Variants in ST6GALNAC5 observed in about 807,000 individuals in gnomAD.
ST6GALNAC5 encodes the protein ST6 N-acetylgalactosaminide alpha-2,6-sialyltransferase 5.
ST6GALNAC5 carries 27 observed loss-of-function variants against 33.6 expected under a neutral mutation model. That is an observed-to-expected ratio of 0.80 (90% CI 0.59 to 1.11). The LOEUF (loss-of-function observed/expected upper bound fraction) is 1.11. Ranked by LOEUF, ST6GALNAC5 falls within the 50% of genes least tolerant of loss-of-function variation. The pLI, the probability that ST6GALNAC5 is intolerant of heterozygous loss-of-function variation, is 0.00. For missense variants in ST6GALNAC5, 428 were observed against 454.0 expected, an observed-to-expected ratio of 0.94 and a Z score of 0.52; for synonymous variants, 194 against 171.2, an observed-to-expected ratio of 1.13 and a Z score of -1.04.
At chr1:76,988,077 T>C (rs2100392001) in intron 2 of ST6GALNAC5, among the ~76,000 whole-genome samples, 1 of 152,260 alleles carries the variant, frequency 6.6e-6, no homozygotes, top group South Asian at 2.1e-4. Flanking sequence ...AAAAATTTTT[T>C]TTTCTTTGTC....
chr1:76,889,358 T>C (rs991491218), intron 2 of ST6GALNAC5, among the ~76,000 whole-genome samples: 1 of 152,132 alleles, frequency 6.6e-6, no homozygotes, highest in Non-Finnish European at 1.5e-5. Context: ...TACCTGAATA[T>C]TACCCATGAT....
intron 2 of ST6GALNAC5, among the ~76,000 whole-genome samples, chr1:76,979,068 G>A (rs1916035): frequency 0.34 from 52,205 of 151,836 alleles, 10,962 homozygotes; most frequent in Non-Finnish European, 0.45. Flanking sequence ...AACTGAGGAG[G>A]TGAAAGATCC....
At position 77,044,145 on chromosome 1, in the gene ST6GALNAC5, T is replaced by G. The variant is rs560534908; in HGVS notation, c.262-59T>G. 108 of 1,515,000 alleles carry G rather than the reference T, an allele frequency of 7.1e-5. 1 individual carries two copies. The African/African-American group carries it at 1.3e-3, about 18-fold the overall frequency. 93.8% of individuals were successfully genotyped at this position (1,515,000 alleles called of 1,614,324 possible). On this transcript the variant is annotated intron_variant, in intron 2 of 4. Coordinates refer to ENST00000477717, the MANE Select transcript of ST6GALNAC5 (RefSeq NM_030965.3). ...CAAAGGCAGGGAAGTAGCCTGCTGGTGCTGAGTGAGGGTTAAGCCCTTTGC... is the reference window on the plus strand; with the variant it reads ...CAAAGGCAGGGAAGTAGCCTGCTGGGGCTGAGTGAGGGTTAAGCCCTTTGC...
chr1:76,968,221 C>T (rs991523805), intron 2 of ST6GALNAC5, among the ~76,000 whole-genome samples: 1 of 152,084 alleles, frequency 6.6e-6, no homozygotes, highest in African/African-American at 2.4e-5. Context: ...GAGTCTAAGT[C>T]CCTTTGTAGG....
At chr1:77,015,965 C>A (rs954833033) in intron 2 of ST6GALNAC5, among the ~76,000 whole-genome samples, 5 of 151,914 alleles carry the variant, frequency 3.3e-5, no homozygotes, top group African/African-American at 1.2e-4. Flanking sequence ...GGCCTCTGAT[C>A]CCAGCATCCT....
In ST6GALNAC5 at chr1:76,892,404, T is replaced by C. The variant is rs1418430513; in HGVS notation, c.261+23662T>C. ...CCCCTTTAGTCACAGTGATTTTCCA[T>C]TTGCCCTGGAAGGCATTCAGCATTA... On this transcript the variant is annotated intron_variant, in intron 2 of 4. Coordinates refer to ENST00000477717, the MANE Select transcript of ST6GALNAC5 (RefSeq NM_030965.3). Among the ~76,000 whole-genome samples, 4 of 152,178 alleles carry C rather than the reference T, an allele frequency of 2.6e-5. No homozygotes were observed. The East Asian group carries it at 7.7e-4, about 29-fold the overall frequency.
In ST6GALNAC5 at chr1:77,024,258, T is replaced by G. The variant is rs547285030; in HGVS notation, c.262-19946T>G. Among the ~76,000 whole-genome samples, 8 of 152,338 alleles carry G rather than the reference T, an allele frequency of 5.3e-5. No homozygotes were observed. The East Asian group carries it at 1.5e-3, about 29-fold the overall frequency. On this transcript the variant is annotated intron_variant, in intron 2 of 4. Transcript: ENST00000477717. ...CATTTGTGCAATTCTTTGGTTAATA[T>G]TGGTCTTCCCCACCAAACCGCATGT...
chr1:76,903,292 C>T (rs1475860055), intron 2 of ST6GALNAC5, among the ~76,000 whole-genome samples: 1 of 152,152 alleles, frequency 6.6e-6, no homozygotes, highest in East Asian at 1.9e-4. Flanking sequence ...AGATTCTCAA[C>T]ATCATTAGCC....
At chr1:76,927,859 C>A (rs1647101296) in intron 2 of ST6GALNAC5, among the ~76,000 whole-genome samples, 1 of 152,082 alleles carries the variant, frequency 6.6e-6, no homozygotes. Flanking sequence ...ATGAGTTTAT[C>A]CATAAGGTTG....
intron 2 of ST6GALNAC5, among the ~76,000 whole-genome samples, chr1:77,027,828 G>A (rs1387143708): frequency 6.6e-6 from 1 of 152,188 alleles, no homozygotes; most frequent in African/African-American, 2.4e-5. Context: ...TTTAATACCA[G>A]ATATCATTTA....
intron 2 of ST6GALNAC5, among the ~76,000 whole-genome samples, chr1:76,970,037 C>T (rs1018501159): frequency 3.3e-5 from 5 of 151,956 alleles, no homozygotes; most frequent in African/African-American, 1.2e-4. Context: ...ACACCAAAAC[C>T]CCATCTGTAT....
At chr1:76,923,944 C>G (rs576601797) in intron 2 of ST6GALNAC5, among the ~76,000 whole-genome samples, 1 of 152,080 alleles carries the variant, frequency 6.6e-6, no homozygotes, top group African/African-American at 2.4e-5. Flanking sequence ...CATGCACTTT[C>G]CTGAGCTTTT....
chr1:76,971,998 C>T (rs568417190), intron 2 of ST6GALNAC5, among the ~76,000 whole-genome samples: 6 of 152,194 alleles, frequency 3.9e-5, no homozygotes, highest in South Asian at 2.1e-4. Context: ...TGATCTTTCC[C>T]GAAATATTTC....
At chr1:76,879,471 T>C (rs1653726813) in intron 2 of ST6GALNAC5, among the ~76,000 whole-genome samples, 1 of 152,202 alleles carries the variant, frequency 6.6e-6, no homozygotes, top group African/African-American at 2.4e-5. Context: ...TTTATATAAA[T>C]TAGAGAATTC....
intron 2 of ST6GALNAC5, among the ~76,000 whole-genome samples, chr1:76,933,763 CAAAAAA>C (rs35621324): frequency 3.0e-5 from 2 of 67,618 alleles, no homozygotes; most frequent in African/African-American, 5.8e-5. Flanking sequence ...TTTTCTCTGC[CAAAAAA>C]AAAAAAAAAA....
chr1:76,904,582 T>C (rs1487671912), intron 2 of ST6GALNAC5, among the ~76,000 whole-genome samples: 4 of 152,162 alleles, frequency 2.6e-5, no homozygotes, highest in African/African-American at 7.2e-5. Context: ...TTCAGCACCT[T>C]GGGAGGCTGA....
At chr1:77,032,510 G>A (rs1048086177) in intron 2 of ST6GALNAC5, among the ~76,000 whole-genome samples, 1 of 152,172 alleles carries the variant, frequency 6.6e-6, no homozygotes, top group African/African-American at 2.4e-5. Flanking sequence ...TGGATATGAG[G>A]GGAGAGGCAC....
intron 2 of ST6GALNAC5, among the ~76,000 whole-genome samples, chr1:77,035,712 G>A (rs1358839802): frequency 2.0e-5 from 3 of 152,116 alleles, no homozygotes; most frequent in Non-Finnish European, 2.9e-5. Context: ...CAAATCAAAA[G>A]CACAGTGAGG....
chr1:76,964,291 C>T (rs533527503), intron 2 of ST6GALNAC5, among the ~76,000 whole-genome samples: 1 of 152,304 alleles, frequency 6.6e-6, no homozygotes, highest in East Asian at 1.9e-4. Flanking sequence ...GATTTCCCTG[C>T]TTCCAGTTCT....
Sources: gnomAD v4.1 joint callset for allele counts (sites outside exome capture counted in the v4.1 genomes callset) on GRCh38, gnomAD v4.1.1 for gene constraint, MANE v1.5 for transcripts, NCBI Gene and HGNC (gene_info 2026-07-23, HGNC 2026-07-21) for gene names.